GDF5: variants seen among roughly 807,000 people sequenced by gnomAD.
GDF5 encodes the protein growth/differentiation factor 5.
GDF5 carries 17 observed loss-of-function variants against 34.6 expected under a neutral mutation model. That is an observed-to-expected ratio of 0.49 (90% CI 0.34 to 0.74). The LOEUF is 0.74. GDF5 is among the 30% of genes least tolerant of loss of function. The probability of loss-of-function intolerance (pLI) is 0.01; values close to 1 mark genes in which losing one functional copy is unlikely to be tolerated. For missense variants in GDF5, 616 were observed against 661.2 expected (o/e 0.93, Z 0.75); for synonymous variants, 332 against 290.7 (o/e 1.14, Z -1.44).
chr20:35,434,967 CA>C, intron 1 of GDF5, 184 bp from the exon 2 acceptor site: 1 of 714,236 alleles, frequency 1.4e-6, no homozygotes, highest in Non-Finnish European at 2.6e-6. Flanking sequence ...GCATTTCCTA[CA>C]TAGCCGACCA....
intron 1 of GDF5, among the ~76,000 whole-genome samples, chr20:35,452,509 G>A (rs949768722): frequency 1.6e-4 from 24 of 152,116 alleles, no homozygotes; most frequent in African/African-American, 5.8e-4. Flanking sequence ...CGCAACCTCC[G>A]CCTCCCGGGT....
chr20:35,436,540 G>A (rs2062473518), intron 1 of GDF5, among the ~76,000 whole-genome samples: 1 of 152,204 alleles, frequency 6.6e-6, no homozygotes, highest in Non-Finnish European at 1.5e-5. Flanking sequence ...GAGAGGAAAA[G>A]CTGCAACAGT....
chr20:35,435,006 C>G, intron 1 of GDF5: 1 of 645,656 alleles, frequency 1.5e-6, no homozygotes, highest in Non-Finnish European at 2.9e-6. Flanking sequence ...GAAGATGTGG[C>G]TGGGGATGAT....
intron 1 of GDF5, among the ~76,000 whole-genome samples, chr20:35,453,497 G>T (rs769617080): frequency 1.5e-4 from 23 of 152,164 alleles, no homozygotes; most frequent in Non-Finnish European, 2.2e-4. Flanking sequence ...TTCAAATATT[G>T]TTGCAGTGAA....
At chr20:35,441,996 A>G (rs2062499347), upstream of GDF5, among the ~76,000 whole-genome samples, 1 of 152,002 alleles carries the variant, frequency 6.6e-6, no homozygotes, top group African/African-American at 2.4e-5. Flanking sequence ...GCACATCACG[A>G]TGCCCAGCTA....
intron 1 of GDF5, among the ~76,000 whole-genome samples, chr20:35,448,468 T>TG (rs2062521062): frequency 7.0e-6 from 1 of 143,566 alleles, no homozygotes; most frequent in African/African-American, 2.6e-5. Context: ...TTTTTTTTTT[T>TG]TGTCTCACTC....
intron 1 of GDF5, among the ~76,000 whole-genome samples, chr20:35,453,273 A>G (rs576102702): frequency 6.6e-6 from 1 of 152,244 alleles, no homozygotes; most frequent in South Asian, 2.1e-4. Context: ...ACAGAAGACT[A>G]TCCTAGAAAG....
chr20:35,433,771 G>C lies in GDF5; in HGVS notation c.*138C>G. The C allele has an allele frequency of 2.5e-6, 2 of 812,156 alleles. No individual in the cohort carries two copies. The highest frequency in any genetic ancestry group is 1.8e-5 in the Admixed American group (1 of 57,016). 50.3% of individuals were successfully genotyped at this position (812,156 alleles called of 1,614,324 possible). A position where few individuals can be genotyped will look rare whatever the true frequency, so the allele number is the denominator to read the frequency against. On this transcript the variant is annotated 3_prime_UTR_variant, in exon 2 of 2. Transcript: ENST00000374369. ...TTAGCCCAAGTCACACTCAGAGAGC[G>C]AGCAAGCTTATTGGAATCCCCTTTC...
chr20:35,445,696 A>T (rs1440627486), intron 1 of GDF5, among the ~76,000 whole-genome samples: 2 of 150,182 alleles, frequency 1.3e-5, no homozygotes, highest in East Asian at 4.0e-4. Flanking sequence ...TAGGCTGGGC[A>T]TGGTGGCTCA....
upstream of GDF5, among the ~76,000 whole-genome samples, chr20:35,442,094 G>C (rs1475256478): frequency 6.6e-6 from 1 of 151,910 alleles, no homozygotes; most frequent in African/African-American, 2.4e-5. Flanking sequence ...GCCCGCCTTG[G>C]CTTCCCAAAG....
At chr20:35,439,417 T>C (rs181982146), upstream of GDF5, among the ~76,000 whole-genome samples, 520 of 152,000 alleles carry the variant, frequency 3.4e-3, no homozygotes, top group African/African-American at 0.01. Context: ...GTAGTAGAGA[T>C]GGGGTTTCAC....
intron 1 of GDF5, among the ~76,000 whole-genome samples, chr20:35,436,013 T>TA (rs2062471268): frequency 6.6e-6 from 1 of 152,184 alleles, no homozygotes; most frequent in African/African-American, 2.4e-5. Context: ...AGCATGCATG[T>TA]ACATGTGTGA....
chr20:35,448,080 A>G (rs183514474), intron 1 of GDF5, among the ~76,000 whole-genome samples: 184 of 152,344 alleles, frequency 1.2e-3, no homozygotes, highest in African/African-American at 4.4e-3. Flanking sequence ...TAAAGTTAAA[A>G]GAGAAAGTTC....
intron 1 of GDF5, chr20:35,435,062 AT>A (rs1275712855): frequency 1.6e-6 from 1 of 614,354 alleles, no homozygotes; most frequent in Admixed American, 2.9e-5. Flanking sequence ...GTTATCAGAG[AT>A]TTATCAGCTT....
chr20:35,437,792 T>G lies in GDF5; in HGVS notation c.137A>C (p.Glu46Ala). Residue 46 changes from glutamate (E) to alanine (A), a missense_variant, in exon 1 of 2, where the codon GAG becomes GCG. Coordinates refer to ENST00000374369, the MANE Select transcript of GDF5 (RefSeq NM_000557.5). ...GGCCAGGGGGGGCCTCTCCTTGGCCTCTGCTTTGGCCAATCCTGGCCTGGT... is the reference window on the plus strand; with the variant it reads ...GGCCAGGGGGGGCCTCTCCTTGGCCGCTGCTTTGGCCAATCCTGGCCTGGT... ...QGTRPGLAKA[E>A]AKERPPLARN... The G allele has an allele frequency of 6.2e-7, 1 of 1,613,406 alleles. No homozygotes were observed.
upstream of GDF5, among the ~76,000 whole-genome samples, chr20:35,438,472 T>C (rs2062485211): frequency 6.6e-6 from 1 of 151,820 alleles, no homozygotes; most frequent in Non-Finnish European, 1.5e-5. Flanking sequence ...CCCAAACCAA[T>C]TTAATTACTC....
In GDF5 at chr20:35,433,891, G is replaced by T. The variant is rs911175882; in HGVS notation, c.*18C>A. 3.7e-6 allele frequency: 6 copies of T among 1,608,770 alleles called. No homozygotes were observed. The African/African-American group carries it at 8.0e-5, about 22-fold the overall frequency. On this transcript the variant is annotated 3_prime_UTR_variant, in exon 2 of 2. Transcript: ENST00000374369. ...GCTCTTGGGATGTGCCACCCAGGAA[G>T]ACAGAGGGCCAGTGCTGCTACCTGC...
intron 1 of GDF5, among the ~76,000 whole-genome samples, chr20:35,448,448 C>CTT (rs34209210): frequency 0.053 from 4,618 of 86,756 alleles, 922 homozygotes; most frequent in African/African-American, 0.13. Flanking sequence ...GCCCCCCCGA[C>CTT]TTTTTTTTTT....
At chr20:35,436,566 G>A (rs528548253) in intron 1 of GDF5, among the ~76,000 whole-genome samples, 17 of 152,288 alleles carry the variant, frequency 1.1e-4, no homozygotes, top group African/African-American at 3.9e-4. Flanking sequence ...TAGGTGGGCC[G>A]AGAGAGACAG....
Sources: allele counts gnomAD v4.1 joint callset (sites outside exome capture counted in the v4.1 genomes callset), GRCh38; gene constraint gnomAD v4.1.1; transcripts MANE v1.5; gene names NCBI Gene and HGNC (gene_info 2026-07-23, HGNC 2026-07-21).